Variants in GSK3B observed in about 807,000 individuals in gnomAD.
The protein encoded by GSK3B is glycogen synthase kinase-3 beta.
Under a neutral mutation model 56.4 loss-of-function variants are expected in GSK3B, and 15 were observed. That is an observed-to-expected ratio of 0.27 (90% CI 0.18 to 0.41). The LOEUF is 0.41. GSK3B is among the 10% of genes least tolerant of loss of function. The pLI, the probability that GSK3B is intolerant of heterozygous loss-of-function variation, is 1.00. For missense variants in GSK3B, 300 were observed against 513.4 expected, an observed-to-expected ratio of 0.58 and a Z score of 4.02; for synonymous variants, 181 against 188.9, an observed-to-expected ratio of 0.96 and a Z score of 0.34.
intron 7 of GSK3B, among the ~76,000 whole-genome samples, chr3:119,890,381 T>C (rs567260725): frequency 2.0e-5 from 3 of 152,196 alleles, no homozygotes; most frequent in Non-Finnish European, 2.9e-5. Flanking sequence ...AAAAGCCAGA[T>C]ACAAAAGAAA....
At chr3:119,857,886 T>C (rs926811569) in intron 9 of GSK3B, among the ~76,000 whole-genome samples, 1 of 152,224 alleles carries the variant, frequency 6.6e-6, no homozygotes, top group Admixed American at 6.5e-5. Context: ...GGATGCTGTG[T>C]CAGTAGGCAT....
At chr3:119,883,849 A>G (rs1355864776) in intron 7 of GSK3B, among the ~76,000 whole-genome samples, 3 of 152,154 alleles carry the variant, frequency 2.0e-5, no homozygotes, top group Non-Finnish European at 4.4e-5. Flanking sequence ...AGTAGTTGTG[A>G]AAAATCTTGA....
chr3:119,941,572 C>A (rs1036288668), intron 3 of GSK3B, among the ~76,000 whole-genome samples: 2 of 152,082 alleles, frequency 1.3e-5, no homozygotes, highest in African/African-American at 4.8e-5. Context: ...AAAACTCATT[C>A]TTTAATTGGT....
At chr3:119,988,119 G>A (rs1379498468) in intron 2 of GSK3B, among the ~76,000 whole-genome samples, 1 of 152,088 alleles carries the variant, frequency 6.6e-6, no homozygotes, top group Non-Finnish European at 1.5e-5. Context: ...GATAACACTG[G>A]AGACTGTAAC....
At chr3:119,829,256 A>AT (rs1413044406) in intron 10 of GSK3B, among the ~76,000 whole-genome samples, 1 of 152,194 alleles carries the variant, frequency 6.6e-6, no homozygotes, top group Non-Finnish European at 1.5e-5. Flanking sequence ...CACAGGCTGC[A>AT]TTAAAAAAAA....
chr3:119,983,324 C>A (rs966478829), intron 2 of GSK3B, among the ~76,000 whole-genome samples: 3 of 152,130 alleles, frequency 2.0e-5, no homozygotes, highest in African/African-American at 7.2e-5. Flanking sequence ...CAGCGAACAT[C>A]ATAATGACAG....
chr3:119,884,209 A>G (rs1217323809), intron 7 of GSK3B, among the ~76,000 whole-genome samples: 1 of 152,158 alleles, frequency 6.6e-6, no homozygotes, highest in Non-Finnish European at 1.5e-5. Flanking sequence ...CACTTAAACG[A>G]CAGAGAAGTA....
At chr3:120,039,804 G>A (rs2058050930) in intron 1 of GSK3B, among the ~76,000 whole-genome samples, 1 of 152,200 alleles carries the variant, frequency 6.6e-6, no homozygotes, top group African/African-American at 2.4e-5. Flanking sequence ...TGCTCCATCT[G>A]CAAGATACAC....
chr3:120,013,165 T>C (rs1318786039), intron 1 of GSK3B, among the ~76,000 whole-genome samples: 2 of 152,172 alleles, frequency 1.3e-5, no homozygotes, highest in Non-Finnish European at 2.9e-5. Context: ...ATGAATACGG[T>C]GACATGGACC....
chr3:120,032,972 C>T (rs1021250158), intron 1 of GSK3B, among the ~76,000 whole-genome samples: 4 of 152,170 alleles, frequency 2.6e-5, no homozygotes, highest in African/African-American at 4.8e-5. Context: ...AATTTCATTA[C>T]CCCAAAAAGA....
intron 4 of GSK3B, among the ~76,000 whole-genome samples, chr3:119,919,288 A>G (rs1005765974): frequency 6.6e-6 from 1 of 152,176 alleles, no homozygotes. Context: ...AGGTTCATGA[A>G]GGCAAGAGTT....
chr3:119,953,456 C>T (rs1559850977), intron 2 of GSK3B, among the ~76,000 whole-genome samples: 2 of 152,002 alleles, frequency 1.3e-5, no homozygotes, highest in African/African-American at 4.8e-5. Context: ...GATTCAAAGA[C>T]ACAAACAACT....
intron 3 of GSK3B, among the ~76,000 whole-genome samples, chr3:119,937,145 A>G (rs1409963499): frequency 2.6e-5 from 4 of 152,136 alleles, no homozygotes; most frequent in African/African-American, 4.8e-5. Context: ...CCAATGGTTT[A>G]AAGAAGATAA....
intron 1 of GSK3B, among the ~76,000 whole-genome samples, chr3:120,027,118 T>C (rs1049007759): frequency 2.0e-5 from 3 of 149,874 alleles, no homozygotes; most frequent in African/African-American, 7.3e-5. Flanking sequence ...CTCACGCCTG[T>C]GATCCCAGCA....
chr3:120,070,091 T>C lies in GSK3B; in HGVS notation c.88+23256A>G, dbSNP rs540725098. 2.0e-5 allele frequency among the ~76,000 whole-genome samples: 3 copies of C among 152,158 alleles called. No individual in the cohort carries two copies. The East Asian group carries it at 5.8e-4, about 29-fold the overall frequency. ...AGCTGGGTGTGGTGGTGTGTGCCTG[T>C]AGTCCCACCTACTTGGGAGGCTGAG... On this transcript the variant is annotated intron_variant, in intron 1 of 10. Coordinates refer to ENST00000264235, the MANE Select transcript of GSK3B (RefSeq NM_001146156.2).
chr3:119,825,995 A>T lies in GSK3B; in HGVS notation c.*793T>A, dbSNP rs559658169. On this transcript the variant is annotated 3_prime_UTR_variant, in exon 11 of 11. Transcript: ENST00000264235. ...GTCACTAGTTTGAAACTGTGCTAAG[A>T]TTTGCAAAGAACTTTGGTCAGGCAA... 3 of 217,902 alleles carry T rather than the reference A, an allele frequency of 1.4e-5. No homozygotes were observed. In the South Asian group the frequency reaches 5.6e-4, roughly 41 times the overall value. The allele number at this position is 217,902 out of a possible 1,614,324, so 13.5% of individuals were successfully genotyped here.
chr3:120,090,230 TAAAAAA>T, intron 1 of GSK3B, among the ~76,000 whole-genome samples: 1 of 146,284 alleles, frequency 6.8e-6, no homozygotes, highest in East Asian at 2.0e-4. Context: ...AAGCTGTATA[TAAAAAA>T]AAAAAAAATT....
intron 7 of GSK3B, among the ~76,000 whole-genome samples, chr3:119,885,194 A>G (rs898105702): frequency 6.6e-6 from 1 of 151,896 alleles, no homozygotes; most frequent in South Asian, 2.1e-4. Context: ...CTATACACCA[A>G]TAATGTTCAA....
At chr3:119,933,796 G>A (rs2056969065) in intron 3 of GSK3B, among the ~76,000 whole-genome samples, 2 of 152,304 alleles carry the variant, frequency 1.3e-5, no homozygotes, top group African/African-American at 4.8e-5. Context: ...AGAATCACTT[G>A]AGCCTGGGAG....
Sources: gnomAD v4.1 joint callset for allele counts (sites outside exome capture counted in the v4.1 genomes callset) on GRCh38, gnomAD v4.1.1 for gene constraint, MANE v1.5 for transcripts, NCBI Gene and HGNC (gene_info 2026-07-23, HGNC 2026-07-21) for gene names.